FBXO34: variants seen among roughly 807,000 people sequenced by gnomAD.
FBXO34 encodes F-box protein 34, also known as F-box only protein 34.
FBXO34 carries 12 observed loss-of-function variants against 24.5 expected under a neutral mutation model. The ratio of observed to expected loss-of-function variants is 0.49; its 90% confidence interval spans 0.31 to 0.79. FBXO34 has a LOEUF of 0.79. Among genes scored for constraint, FBXO34 ranks in the 30% least tolerant of loss-of-function variants. The pLI is 0.04. For missense variants in FBXO34, 823 were observed against 857.7 expected, an observed-to-expected ratio of 0.96 and a Z score of 0.51; for synonymous variants, 320 against 311.9, an observed-to-expected ratio of 1.03 and a Z score of -0.27.
At position 55,350,679 on chromosome 14, in the gene FBXO34, C is replaced by T; in HGVS notation, c.289C>T (p.His97Tyr). ...AAAGAATGCACCATCTGCAACGATC[C>T]ACCAGGGCGAAGAAGAAGGACCACT... ...TKKNAPSATI[H>Y]QGEEEGPLDI... The change falls in exon 2 of 2, where the codon CAC becomes TAC. Residue 97 changes from histidine (H) to tyrosine (Y), a missense_variant. Around this residue, in one of 2 missense-constraint regions of FBXO34, gnomAD observed 693 missense variants for 659.1 expected, o/e 1.05. Coordinates refer to ENST00000313833, the MANE Select transcript of FBXO34 (RefSeq NM_017943.4). 1 of 1,613,976 alleles carries T rather than the reference C, an allele frequency of 6.2e-7. No individual in the cohort carries two copies. Among genetic ancestry groups the T allele is most frequent in the Non-Finnish European group, 8.5e-7 (1 of 1,179,982 alleles).
At position 55,351,480 on chromosome 14, in the gene FBXO34, C is replaced by A. The variant is rs1259132686; in HGVS notation, c.1090C>A (p.Gln364Lys). Residue 364 changes from glutamine to lysine, a missense_variant, in exon 2 of 2, where the codon CAG (glutamine) becomes AAG (lysine). Gln to Lys is a moderately conservative substitution (Grantham distance 53, BLOSUM62 1). Around this residue, in one of 2 missense-constraint regions of FBXO34, gnomAD observed 693 missense variants for 659.1 expected, o/e 1.05. Coordinates refer to ENST00000313833, the MANE Select transcript of FBXO34 (RefSeq NM_017943.4). ...RADRCSPKED[Q>K]AWDGASQDCP... ...TGATCGTTGTTCTCCTAAGGAGGAC[C>A]AGGCCTGGGACGGTGCTTCTCAGGA... 4 of 1,614,136 alleles carry A rather than the reference C, an allele frequency of 2.5e-6. No homozygotes were observed. The highest frequency in any genetic ancestry group is 1.7e-5 in the Admixed American group (1 of 60,022).
the FBXO34 span, among the ~76,000 whole-genome samples, chr14:55,405,602 G>C: frequency 1.3e-5 from 2 of 152,144 alleles, no homozygotes; most frequent in Non-Finnish European, 2.9e-5. Context: ...ACATGAACTG[G>C]TAACCAATTT....
At chr14:55,433,933 T>G in the FBXO34 span, among the ~76,000 whole-genome samples, 1 of 152,206 alleles carries the variant, frequency 6.6e-6, no homozygotes, top group Non-Finnish European at 1.5e-5. Context: ...ACTCTTAAAT[T>G]TGAATGCCTG....
rs567112918 is a variant in FBXO34, at chr14:55,275,417, G to A, written c.-11+3880G>A. The stretch of plus-strand genomic sequence containing the variant: ...TGCCAGGTACTCAGATAGGGACTGT[G>A]ACACAGAGATGATATATCCTTGCTG... On this transcript the variant is annotated intron_variant, in intron 1 of 1. Coordinates refer to ENST00000313833, the MANE Select transcript of FBXO34 (RefSeq NM_017943.4). Among the ~76,000 whole-genome samples the A allele has an allele frequency of 1.3e-5, 2 of 152,274 alleles. 1 individual carries two copies. Among genetic ancestry groups the A allele is most frequent in the African/African-American group, 4.8e-5 (2 of 41,552 alleles).
chr14:55,406,634 G>A, the FBXO34 span, among the ~76,000 whole-genome samples: 1 of 152,062 alleles, frequency 6.6e-6, no homozygotes, highest in East Asian at 1.9e-4. Flanking sequence ...AAAAATATCT[G>A]GCTATTAGAA....
rs563566345 is a variant in FBXO34 at position 55,278,286 on chromosome 14, G to C, written c.-11+6749G>C. ...CTCATTTTCCCCAGATTCCCTCACT[G>C]TGACGAAGTTAAGCTTTTTCTAAGT... is the stretch of plus-strand genomic sequence containing the variant. On this transcript the variant is annotated intron_variant, in intron 1 of 1. Transcript: ENST00000313833. 2.0e-5 allele frequency among the ~76,000 whole-genome samples: 3 copies of C among 152,326 alleles called. No individual in the cohort carries two copies. The East Asian group carries it at 5.8e-4, about 29-fold the overall frequency.
In FBXO34 at chr14:55,329,924, TG is replaced by T. The variant is rs1883476444; in HGVS notation, c.-10-20455del. 3.3e-5 allele frequency among the ~76,000 whole-genome samples: 5 copies of T among 152,092 alleles called. No homozygotes were observed. The South Asian group carries it at 1.0e-3, about 32-fold the overall frequency. ...TATATATATTTTTAAACTGCTTGACTGGCCTGTTTTTTTGTTTCTCTACTAC... is the reference window on the plus strand; with the variant it reads ...TATATATATTTTTAAACTGCTTGACTGCCTGTTTTTTTGTTTCTCTACTAC... On this transcript the variant is annotated intron_variant, in intron 1 of 1. Transcript: ENST00000313833.
the FBXO34 span, among the ~76,000 whole-genome samples, chr14:55,439,292 A>AAG: frequency 6.6e-6 from 1 of 151,494 alleles, no homozygotes; most frequent in South Asian, 2.1e-4. Context: ...AAAAAAAAAA[A>AAG]AAGCCACAGG....
At chr14:55,366,501 T>C (rs568355925), downstream of FBXO34, 10 of 152,782 alleles carry the variant, frequency 6.5e-5, no homozygotes, top group African/African-American at 2.2e-4. Context: ...AACATGATAC[T>C]GTGAGGAGAT....
intron 1 of FBXO34, among the ~76,000 whole-genome samples, chr14:55,277,374 C>G (rs1215739087): frequency 2.0e-5 from 3 of 152,148 alleles, no homozygotes; most frequent in Non-Finnish European, 2.9e-5. Context: ...GACTGAAGTA[C>G]AGTGGTGCAA....
chr14:55,431,957 T>A, the FBXO34 span, among the ~76,000 whole-genome samples: 2 of 152,128 alleles, frequency 1.3e-5, no homozygotes, highest in Non-Finnish European at 2.9e-5. Flanking sequence ...ATCCTTTTCC[T>A]ATCACAAAGC....
At chr14:55,385,716 T>C in the FBXO34 span, 2 of 801,542 alleles carry the variant, frequency 2.5e-6, no homozygotes, top group Non-Finnish European at 3.9e-6. Flanking sequence ...GCGTACTGTT[T>C]GTTGAAACAG....
At chr14:55,300,727 G>A (rs1056272902) in intron 1 of FBXO34, among the ~76,000 whole-genome samples, 1 of 152,238 alleles carries the variant, frequency 6.6e-6, no homozygotes, top group African/African-American at 2.4e-5. Flanking sequence ...CTAGAGGTGT[G>A]CTTAGCATAT....
At chr14:55,385,997 C>T in the FBXO34 span, 29 of 1,614,086 alleles carry the variant, frequency 1.8e-5, no homozygotes, top group Admixed American at 6.7e-5. Flanking sequence ...ACCAAGTTTG[C>T]GATTATGCCT....
rs146244234 is a variant in FBXO34 at position 55,290,417 on chromosome 14, A to T, written c.-11+18880A>T. 6.0e-3 allele frequency among the ~76,000 whole-genome samples: 914 copies of T among 152,094 alleles called. 7 individuals are homozygous for T. Among genetic ancestry groups the T allele is most frequent in the African/African-American group, 0.018 (752 of 41,480 alleles). Reference sequence around the variant, plus strand: ...AAAAAAAAAAATAAATAAAATAAATAAATTAATTAATTAATTGAGGCATAA... The same window carrying T: ...AAAAAAAAAAATAAATAAAATAAATTAATTAATTAATTAATTGAGGCATAA... On this transcript the variant is annotated intron_variant, in intron 1 of 1. Coordinates refer to ENST00000313833, the MANE Select transcript of FBXO34 (RefSeq NM_017943.4).
At chr14:55,358,383 C>A (rs1348528706), downstream of FBXO34, among the ~76,000 whole-genome samples, 1 of 143,560 alleles carries the variant, frequency 7.0e-6, no homozygotes, top group African/African-American at 2.6e-5. Context: ...ACAAGCCCTT[C>A]CCAGTATTTG....
chr14:55,276,399 A>T (rs1203834566), intron 1 of FBXO34, among the ~76,000 whole-genome samples: 1 of 152,184 alleles, frequency 6.6e-6, no homozygotes, highest in Non-Finnish European at 1.5e-5. Flanking sequence ...CTATCCATTC[A>T]TCAATCCTTT....
At chr14:55,286,821 A>G (rs1482222031) in intron 1 of FBXO34, among the ~76,000 whole-genome samples, 1 of 151,058 alleles carries the variant, frequency 6.6e-6, no homozygotes, top group Non-Finnish European at 1.5e-5. Context: ...TTTTTTTTTG[A>G]ATTTGTAATA....
the FBXO34 span, among the ~76,000 whole-genome samples, chr14:55,435,563 C>G: frequency 6.6e-6 from 1 of 152,058 alleles, no homozygotes; most frequent in Non-Finnish European, 1.5e-5. Context: ...AGTGAGCCAC[C>G]GTGCCCAGCC....
Sources: allele counts gnomAD v4.1 joint callset (sites outside exome capture counted in the v4.1 genomes callset), GRCh38; gene constraint gnomAD v4.1.1; regional missense constraint gnomAD v4.1.1; transcripts MANE v1.5; gene names NCBI Gene and HGNC (gene_info 2026-07-23, HGNC 2026-07-21).